The following MAP2 variants were observed in gnomAD, a reference collection of about 807,000 sequenced individuals.
MAP2 encodes microtubule associated protein 2.
Under a neutral mutation model 137.6 loss-of-function variants are expected in MAP2, and 14 were observed. That is an observed-to-expected ratio of 0.10 (90% CI 0.07 to 0.16). MAP2 has a LOEUF of 0.16. MAP2 is among the 10% of genes least tolerant of loss of function. MAP2 has a pLI of 1.00. For synonymous variants in MAP2, 786 were observed against 782.3 expected, an observed-to-expected ratio of 1.00 and a Z score of -0.08; for missense variants, 2,088 against 2,191.5, an observed-to-expected ratio of 0.95 and a Z score of 0.94.
rs1347823006 is a variant in MAP2 at position 209,730,464 on chromosome 2, G to A, written c.*67G>A. On this transcript the variant is annotated 3_prime_UTR_variant, in exon 16 of 16. Transcript: ENST00000682079. Reference sequence around the variant, plus strand: ...AGCTCTTGGCAGGAGTGGGCTCTGAGCAGTTGTTATATTCATTCTTTATAA... The same window carrying A: ...AGCTCTTGGCAGGAGTGGGCTCTGAACAGTTGTTATATTCATTCTTTATAA... 3 of 1,094,416 alleles carry A rather than the reference G, an allele frequency of 2.7e-6. No individual in the cohort carries two copies. Among genetic ancestry groups the A allele is most frequent in the Non-Finnish European group, 4.1e-6 (3 of 731,544 alleles). The allele number at this position is 1,094,416 out of a possible 1,614,324, so 67.8% of individuals were successfully genotyped here. A position where few individuals can be genotyped will look rare whatever the true frequency, so the allele number is the denominator to read the frequency against.
chr2:209,694,141 A>G lies in MAP2; in HGVS notation c.1971A>G (p.Glu657=). 4 of 1,614,120 alleles carry G rather than the reference A, an allele frequency of 2.5e-6. No individual in the cohort carries two copies. Among genetic ancestry groups the G allele is most frequent in the Non-Finnish European group, 3.4e-6 (4 of 1,180,000 alleles). ...DLPEEPSSPQ[E]RMFTIDPKVY... The stretch of plus-strand genomic sequence containing the variant: ...CTGAAGAACCCAGTTCTCCTCAAGA[A>G]AGAATGTTCACTATTGATCCAAAAG... Residue 657 remains glutamate, a synonymous_variant, in exon 8 of 16, where the codon GAA becomes GAG. Transcript: ENST00000682079.
At chr2:209,648,879 G>A (rs1486003996) in intron 4 of MAP2, among the ~76,000 whole-genome samples, 1 of 151,940 alleles carries the variant, frequency 6.6e-6, no homozygotes, top group East Asian at 1.9e-4. Flanking sequence ...ATGCTCAGCT[G>A]TTTGGCAGTT....
chr2:209,628,019 A>C (rs1317653731), intron 4 of MAP2, among the ~76,000 whole-genome samples: 1 of 152,182 alleles, frequency 6.6e-6, no homozygotes, highest in Non-Finnish European at 1.5e-5. Context: ...CTATCCTAAC[A>C]CATGTACTTC....
chr2:209,501,260 T>C (rs529677861), intron 1 of MAP2, among the ~76,000 whole-genome samples: 6 of 152,294 alleles, frequency 3.9e-5, no homozygotes, highest in Admixed American at 2.6e-4. Context: ...ATAAGAAATA[T>C]AAAAATTGTG....
chr2:209,460,053 TG>T (rs1702400957), intron 1 of MAP2, among the ~76,000 whole-genome samples: 1 of 152,108 alleles, frequency 6.6e-6, no homozygotes, highest in Non-Finnish European at 1.5e-5. Flanking sequence ...TTCAGCTAAG[TG>T]GGGTAAAATT....
At position 209,574,442 on chromosome 2, in the gene MAP2, C is replaced by T. The variant is rs1226866131; in HGVS notation, c.-171-5594C>T. On this transcript the variant is annotated intron_variant, in intron 2 of 15. Coordinates refer to ENST00000682079, the MANE Select transcript of MAP2 (RefSeq NM_001375505.1). ...GCTGCATAGTATAGATACACACACA[C>T]ACACACACACACACACACAGACACA... Among the ~76,000 whole-genome samples, 3 of 151,574 alleles carry T rather than the reference C, an allele frequency of 2.0e-5. No individual in the cohort carries two copies. In the East Asian group the frequency reaches 5.8e-4, roughly 29 times the overall value.
intron 1 of MAP2, among the ~76,000 whole-genome samples, chr2:209,488,289 T>C (rs961798741): frequency 2.0e-5 from 3 of 152,180 alleles, no homozygotes; most frequent in Non-Finnish European, 2.9e-5. Flanking sequence ...TCACAACCTG[T>C]AGACCAGGAG....
intron 1 of MAP2, among the ~76,000 whole-genome samples, chr2:209,451,885 A>G (rs1292631028): frequency 1.3e-5 from 2 of 152,178 alleles, no homozygotes; most frequent in Non-Finnish European, 2.9e-5. Context: ...CTACTCTCAC[A>G]AAGAACCTGA....
chr2:209,473,321 T>C (rs1053668394), intron 1 of MAP2, among the ~76,000 whole-genome samples: 37 of 152,262 alleles, frequency 2.4e-4, no homozygotes, highest in African/African-American at 8.9e-4. Context: ...CAGTGACTTT[T>C]AGAGGATTTT....
rs1249957712 is a variant in MAP2 at position 209,520,144 on chromosome 2, C to T, written c.-172+12503C>T. On this transcript the variant is annotated intron_variant, in intron 2 of 15. Coordinates refer to ENST00000682079, the MANE Select transcript of MAP2 (RefSeq NM_001375505.1). ...TATAGCAGGAACAAGCTGAAGGTCA[C>T]ATGACCCTAATTACTGCAATTATGA... Among the ~76,000 whole-genome samples, 6 of 152,174 alleles carry T rather than the reference C, an allele frequency of 3.9e-5. No individual in the cohort carries two copies. In the East Asian group the frequency reaches 9.6e-4, roughly 24 times the overall value.
chr2:209,499,780 G>A (rs2060169740), intron 1 of MAP2, among the ~76,000 whole-genome samples: 1 of 152,010 alleles, frequency 6.6e-6, no homozygotes, highest in Admixed American at 6.6e-5. Flanking sequence ...GGGGTGGGGA[G>A]GAAAAGGAGA....
chr2:209,529,138 T>C (rs1173141125), intron 2 of MAP2, among the ~76,000 whole-genome samples: 1 of 151,894 alleles, frequency 6.6e-6, no homozygotes, highest in African/African-American at 2.4e-5. Flanking sequence ...GGATTTTAGT[T>C]AGGAAAAAAA....
intron 13 of MAP2, among the ~76,000 whole-genome samples, chr2:209,712,780 C>T (rs900446254): frequency 5.3e-5 from 8 of 151,986 alleles, no homozygotes; most frequent in Non-Finnish European, 7.4e-5. Context: ...TCTTATAGAA[C>T]GACTGAAGGA....
At chr2:209,582,054 A>C (rs955775561) in intron 3 of MAP2, among the ~76,000 whole-genome samples, 2 of 151,938 alleles carry the variant, frequency 1.3e-5, no homozygotes, top group African/African-American at 4.8e-5. Context: ...TCCTTTACTG[A>C]TTTCACTCAT....
At chr2:209,539,930 T>C (rs1447703564) in intron 2 of MAP2, among the ~76,000 whole-genome samples, 5 of 113,884 alleles carry the variant, frequency 4.4e-5, no homozygotes, top group African/African-American at 8.7e-5. Flanking sequence ...AGACCCCATC[T>C]CACGAAAAAA....
intron 1 of MAP2, among the ~76,000 whole-genome samples, chr2:209,443,654 G>T (rs1172198509): frequency 1.3e-5 from 2 of 151,664 alleles, no homozygotes; most frequent in Middle Eastern, 6.8e-3. Context: ...CTTCACTTCG[G>T]CCATGGGGAT....
At chr2:209,485,357 A>C (rs1288876459) in intron 1 of MAP2, among the ~76,000 whole-genome samples, 1 of 152,198 alleles carries the variant, frequency 6.6e-6, no homozygotes, top group East Asian at 1.9e-4. Flanking sequence ...TTAGAGGTGG[A>C]TTATAAGCCC....
intron 1 of MAP2, among the ~76,000 whole-genome samples, chr2:209,472,543 TC>T (rs1457695061): frequency 1.3e-5 from 2 of 152,180 alleles, no homozygotes; most frequent in Non-Finnish European, 2.9e-5. Context: ...AGTCTGCTAT[TC>T]GTTTCCAGAA....
intron 3 of MAP2, among the ~76,000 whole-genome samples, chr2:209,593,755 A>ATTT (rs1559371996): frequency 9.8e-4 from 12 of 12,250 alleles, no homozygotes; most frequent in Non-Finnish European, 1.3e-3. Flanking sequence ...ATTATATTAT[A>ATTT]TATAATATAT....
Sources: allele counts gnomAD v4.1 joint callset (sites outside exome capture counted in the v4.1 genomes callset), GRCh38; gene constraint gnomAD v4.1.1; transcripts MANE v1.5; gene names NCBI Gene and HGNC (gene_info 2026-07-23, HGNC 2026-07-21).